Variants in MEIKIN observed in about 807,000 individuals in gnomAD.
The protein encoded by MEIKIN is meiosis-specific kinetochore protein.
intron 10 of MEIKIN, among the ~76,000 whole-genome samples, chr5:131,853,255 G>A (rs1270850457): frequency 6.6e-6 from 1 of 152,198 alleles, no homozygotes; most frequent in African/African-American, 2.4e-5. Context: ...CAGGGACATT[G>A]TAATTACACA....
chr5:131,842,942 C>G (rs1749942775), intron 11 of MEIKIN, among the ~76,000 whole-genome samples: 1 of 152,216 alleles, frequency 6.6e-6, no homozygotes, highest in Admixed American at 6.5e-5. Context: ...GCCTGGATGT[C>G]CAGGTGTTTC....
intron 4 of MEIKIN, 28 bp from the exon 5 acceptor site, chr5:131,933,669 T>C (rs1446844451): frequency 5.0e-6 from 2 of 398,002 alleles, no homozygotes; most frequent in African/African-American, 4.1e-5. Context: ...AAAAAATTGA[T>C]AAATCTTTTG....
At chr5:131,898,007 T>G (rs1180488731) in intron 8 of MEIKIN, among the ~76,000 whole-genome samples, 1 of 152,206 alleles carries the variant, frequency 6.6e-6, no homozygotes, top group Non-Finnish European at 1.5e-5. Flanking sequence ...ATTTTCTGCT[T>G]TTCTGCTCTG....
At chr5:131,924,695 T>C (rs1427187293) in intron 5 of MEIKIN, among the ~76,000 whole-genome samples, 2 of 152,200 alleles carry the variant, frequency 1.3e-5, no homozygotes, top group African/African-American at 2.4e-5. Flanking sequence ...AATTTTGCTA[T>C]TCAGTTATAA....
At chr5:131,878,908 TAGTTA>T in intron 9 of MEIKIN, 65 bp downstream of exon 9, 2 of 396,468 alleles carry the variant, frequency 5.0e-6, no homozygotes, top group Non-Finnish European at 8.9e-6. Context: ...TTTAAACTGT[TAGTTA>T]AAAGTATATT....
At chr5:131,901,162 C>G (rs1247669638) in intron 8 of MEIKIN, among the ~76,000 whole-genome samples, 1 of 152,174 alleles carries the variant, frequency 6.6e-6, no homozygotes, top group Non-Finnish European at 1.5e-5. Context: ...GCCACTGCCA[C>G]TCACATGAAT....
intron 6 of MEIKIN, 99 bp downstream of exon 6, chr5:131,921,723 C>T (rs939709503): frequency 2.0e-5 from 8 of 395,482 alleles, no homozygotes; most frequent in African/African-American, 1.4e-4. Context: ...TAGCCAAAGG[C>T]AATCCAACTG....
intron 12 of MEIKIN, among the ~76,000 whole-genome samples, chr5:131,817,733 G>A (rs1481635473): frequency 1.3e-5 from 2 of 152,184 alleles, no homozygotes; most frequent in Non-Finnish European, 2.9e-5. Context: ...GAGTATTCAA[G>A]GAACTTATAA....
chr5:131,904,402 A>G (rs1217885044), intron 8 of MEIKIN, among the ~76,000 whole-genome samples: 1 of 152,198 alleles, frequency 6.6e-6, no homozygotes, highest in East Asian at 1.9e-4. Flanking sequence ...CACTGATCAC[A>G]AAGTCAGGTA....
intron 8 of MEIKIN, among the ~76,000 whole-genome samples, chr5:131,903,037 A>G (rs1234609675): frequency 6.6e-6 from 1 of 152,222 alleles, no homozygotes. Flanking sequence ...AGAATTGACC[A>G]TGCTGAGGAA....
intron 8 of MEIKIN, among the ~76,000 whole-genome samples, chr5:131,885,466 GAA>G (rs561796414): frequency 5.6e-4 from 84 of 150,076 alleles, no homozygotes; most frequent in African/African-American, 2.0e-3. Flanking sequence ...TAAGGGAAAA[GAA>G]AAAGAGTCTC....
chr5:131,849,159 G>C (rs1480009002), intron 11 of MEIKIN, among the ~76,000 whole-genome samples: 1 of 152,092 alleles, frequency 6.6e-6, no homozygotes, highest in Non-Finnish European at 1.5e-5. Flanking sequence ...CTGGTGGGAG[G>C]TGACTGGATC....
chr5:131,916,933 A>G lies in MEIKIN; in HGVS notation c.599-8T>C. 1 of 397,416 alleles carries G rather than the reference A, an allele frequency of 2.5e-6. No individual in the cohort carries two copies. The highest frequency in any genetic ancestry group is 2.1e-5 in the African/African-American group (1 of 48,718). The allele number at this position is 397,416 out of a possible 1,614,324, so 24.6% of individuals were successfully genotyped here. On this transcript the variant is annotated splice_region_variant and splice_polypyrimidine_tract_variant and intron_variant, in intron 6 of 12. Coordinates refer to ENST00000442687, the MANE Select transcript of MEIKIN (RefSeq NM_001303622.2). ...AGTCTTCTGAAGAGGTACCTAGGAG[A>G]GAAAATAAAAACAATCTATTAGAAA...
At chr5:131,873,529 G>C (rs1321724319) in intron 9 of MEIKIN, among the ~76,000 whole-genome samples, 1 of 152,196 alleles carries the variant, frequency 6.6e-6, no homozygotes, top group Non-Finnish European at 1.5e-5. Context: ...AAGAGACTTA[G>C]ACTCCCACAC....
chr5:131,807,917 A>G (rs1772875770), intron 12 of MEIKIN, among the ~76,000 whole-genome samples: 2 of 152,202 alleles, frequency 1.3e-5, no homozygotes, highest in South Asian at 4.1e-4. Context: ...GCCATCTTCC[A>G]TACCAATTAG....
chr5:131,943,525 GTATC>G (rs1339004595), intron 3 of MEIKIN, among the ~76,000 whole-genome samples: 4 of 152,124 alleles, frequency 2.6e-5, no homozygotes, highest in Non-Finnish European at 4.4e-5. Flanking sequence ...AAATTACAGT[GTATC>G]TATCTACAAG....
chr5:131,876,125 A>C (rs1450226579), intron 9 of MEIKIN, among the ~76,000 whole-genome samples: 1 of 152,230 alleles, frequency 6.6e-6, no homozygotes, highest in Non-Finnish European at 1.5e-5. Context: ...CAATGGCAAC[A>C]AACGCCAAAA....
intron 12 of MEIKIN, among the ~76,000 whole-genome samples, chr5:131,812,706 T>C (rs887408961): frequency 3.1e-4 from 47 of 152,108 alleles, no homozygotes; most frequent in African/African-American, 1.1e-3. Flanking sequence ...AGGTCGAGGT[T>C]GCTGTGGAGC....
rs144615739 is a variant in MEIKIN at position 131,912,732 on chromosome 5, C to T, written c.639-853G>A. Among the ~76,000 whole-genome samples the T allele has an allele frequency of 3.7e-3, 569 of 152,256 alleles. 4 individuals carry two copies. The highest frequency in any genetic ancestry group is 0.013 in the African/African-American group (539 of 41,552). On this transcript the variant is annotated intron_variant, in intron 7 of 12. Coordinates refer to ENST00000442687, the MANE Select transcript of MEIKIN (RefSeq NM_001303622.2). The stretch of plus-strand genomic sequence containing the variant: ...CAGGTAGATTTCTTTTTACTAACAC[C>T]TTTCTGGCATTCTCTTGTAATAAGT...
Sources: allele counts gnomAD v4.1 joint callset (sites outside exome capture counted in the v4.1 genomes callset), GRCh38; gene constraint gnomAD v4.1.1; transcripts MANE v1.5; gene names NCBI Gene and HGNC (gene_info 2026-07-23, HGNC 2026-07-21).